Variants in KCNQ5 observed in about 807,000 individuals in gnomAD.
KCNQ5 encodes potassium voltage-gated channel subfamily KQT member 5.
A neutral mutation model predicts 98.2 loss-of-function variants in KCNQ5; 30 were observed. That is an observed-to-expected ratio of 0.31 (90% CI 0.23 to 0.41). The LOEUF (loss-of-function observed/expected upper bound fraction) is 0.41. Ranked by LOEUF, KCNQ5 falls within the 10% of genes least tolerant of loss-of-function variation. KCNQ5 has a pLI of 1.00. For synonymous variants in KCNQ5, 458 were observed against 449.4 expected (o/e 1.02, Z -0.24); for missense variants, 835 against 1,182.5 (o/e 0.71, Z 4.31).
chr6:72,640,772 C>A (rs1254437477), intron 1 of KCNQ5: 1 of 152,164 alleles, frequency 6.6e-6, no homozygotes, highest in African/African-American at 2.4e-5. Context: ...GTAGCTTCCT[C>A]AGGATCAAGT....
At chr6:72,755,927 T>C (rs1292064659) in intron 1 of KCNQ5, among the ~76,000 whole-genome samples, 1 of 152,162 alleles carries the variant, frequency 6.6e-6, no homozygotes, top group African/African-American at 2.4e-5. Flanking sequence ...CAGCAGGCAG[T>C]CACCTCCTGC....
At chr6:72,976,466 A>AT (rs1373345061) in intron 1 of KCNQ5, among the ~76,000 whole-genome samples, 1 of 152,264 alleles carries the variant, frequency 6.6e-6, no homozygotes, top group Non-Finnish European at 1.5e-5. Flanking sequence ...CAGCATTGAC[A>AT]TTAATTTCTT....
intron 10 of KCNQ5, chr6:73,135,641 T>A (rs1776439629): frequency 1.3e-5 from 2 of 152,230 alleles, no homozygotes; most frequent in Non-Finnish European, 2.9e-5. Context: ...GGAACCAGTC[T>A]TTGTTGAGTG....
At chr6:72,698,544 T>A (rs1358118462) in intron 1 of KCNQ5, among the ~76,000 whole-genome samples, 1 of 152,052 alleles carries the variant, frequency 6.6e-6, no homozygotes, top group Non-Finnish European at 1.5e-5. Context: ...ATGGGGGGAT[T>A]TTCTGGTCAT....
intron 5 of KCNQ5, among the ~76,000 whole-genome samples, chr6:73,096,765 G>A (rs1774519511): frequency 6.6e-6 from 1 of 152,176 alleles, no homozygotes; most frequent in Admixed American, 6.5e-5. Context: ...TGGTGTGGCT[G>A]GGTGCAGTGA....
intron 1 of KCNQ5, among the ~76,000 whole-genome samples, chr6:72,787,259 TATAA>T (rs1223071197): frequency 6.6e-6 from 1 of 152,192 alleles, no homozygotes; most frequent in Non-Finnish European, 1.5e-5. Flanking sequence ...TGTCATTGTC[TATAA>T]ATAAAGTTTT....
At chr6:72,632,188 AGTTCGGTG>A (rs1375258012) in intron 1 of KCNQ5, among the ~76,000 whole-genome samples, 1 of 128,438 alleles carries the variant, frequency 7.8e-6, no homozygotes, top group Non-Finnish European at 1.6e-5. Flanking sequence ...CCCAGGCTGG[AGTTCGGTG>A]GCGCGATCCC....
intron 5 of KCNQ5, among the ~76,000 whole-genome samples, chr6:73,085,040 A>G (rs1369890305): frequency 3.3e-5 from 5 of 152,100 alleles, no homozygotes; most frequent in Non-Finnish European, 5.9e-5. Context: ...TTCCAAGGAG[A>G]CTCACTGGTA....
intron 6 of KCNQ5, among the ~76,000 whole-genome samples, chr6:73,107,254 C>T (rs1669077032): frequency 6.6e-6 from 1 of 152,194 alleles, no homozygotes; most frequent in African/African-American, 2.4e-5. Flanking sequence ...AGACAACAGG[C>T]TATGTTCTGT....
chr6:72,660,906 CAA>C (rs1426583393), intron 1 of KCNQ5, among the ~76,000 whole-genome samples: 1 of 151,896 alleles, frequency 6.6e-6, no homozygotes, highest in Admixed American at 6.6e-5. Flanking sequence ...TGGCCGGAAC[CAA>C]AGTTATTATA....
chr6:73,078,038 A>G, intron 5 of KCNQ5, 151 bp downstream of exon 5: 9 of 604,010 alleles, frequency 1.5e-5, no homozygotes, highest in Non-Finnish European at 2.3e-5. Flanking sequence ...TATTGTCTAA[A>G]GGCTTTCCAC....
At chr6:72,640,350 A>C (rs1302019866) in intron 1 of KCNQ5, among the ~76,000 whole-genome samples, 1 of 104,166 alleles carries the variant, frequency 9.6e-6, no homozygotes, top group African/African-American at 3.0e-5. Flanking sequence ...AAAAAAAAGT[A>C]ATTTTTATAC....
intron 10 of KCNQ5, among the ~76,000 whole-genome samples, chr6:73,145,758 T>C (rs1286203246): frequency 2.6e-5 from 4 of 152,228 alleles, no homozygotes; most frequent in African/African-American, 9.6e-5. Flanking sequence ...TTTCGCACAC[T>C]GCTATAAAGA....
chr6:73,005,840 G>T lies in KCNQ5; in HGVS notation c.489+1842G>T, dbSNP rs147874709. Among the ~76,000 whole-genome samples the T allele has an allele frequency of 3.0e-4, 46 of 152,336 alleles. No individual in the cohort carries two copies. The East Asian group carries it at 7.7e-3, about 26-fold the overall frequency. On this transcript the variant is annotated intron_variant, in intron 2 of 13. Coordinates refer to ENST00000370398, the MANE Select transcript of KCNQ5 (RefSeq NM_019842.4). ...CTGTTGCAACAAGGCTTTCCATAGG[G>T]AGAGGGTTTGTTAATCCTACTATCT...
In KCNQ5 at chr6:72,837,788, ACATGTTATATATATGTTGAAG is replaced by A. The variant is rs1776573530; in HGVS notation, c.399-166107_399-166087del. Among the ~76,000 whole-genome samples, 2 of 137,524 alleles carry A rather than the reference ACATGTTATATATATGTTGAAG, an allele frequency of 1.5e-5. 1 individual carries two copies. The highest frequency in any genetic ancestry group is 4.3e-4 in the South Asian group (2 of 4,620). 90.2% of individuals were successfully genotyped at this position (137,524 alleles called of 152,430 possible). ...ATATATGTTTAAACATGTTATATAT[ACATGTTATATATATGTTGAAG>A]CATGTTATATATGTTTAAACATGTT... is the stretch of plus-strand genomic sequence containing the variant. On this transcript the variant is annotated intron_variant, in intron 1 of 13. Coordinates refer to ENST00000370398, the MANE Select transcript of KCNQ5 (RefSeq NM_019842.4).
chr6:72,910,389 G>T (rs1779879097), intron 1 of KCNQ5, among the ~76,000 whole-genome samples: 1 of 152,058 alleles, frequency 6.6e-6, no homozygotes, highest in Admixed American at 6.6e-5. Flanking sequence ...GGAAACATTT[G>T]CCAGTGCATA....
chr6:72,826,252 G>T (rs1402531915), intron 1 of KCNQ5, among the ~76,000 whole-genome samples: 3 of 152,136 alleles, frequency 2.0e-5, no homozygotes, highest in African/African-American at 7.2e-5. Flanking sequence ...CTTCCTGCAA[G>T]ATTAGTCATT....
At chr6:73,125,063 T>TA in intron 9 of KCNQ5, among the ~76,000 whole-genome samples, 1 of 18,418 alleles carries the variant, frequency 5.4e-5, no homozygotes, top group East Asian at 2.9e-3. Flanking sequence ...ACATATAATC[T>TA]TTTTTTTTGG....
intron 1 of KCNQ5, among the ~76,000 whole-genome samples, chr6:72,647,470 A>G (rs1013853105): frequency 9.2e-5 from 14 of 152,084 alleles, no homozygotes; most frequent in African/African-American, 3.4e-4. Flanking sequence ...CGAAAAAAAA[A>G]GAAAAAAAAA....
Sources: gnomAD v4.1 joint callset for allele counts (sites outside exome capture counted in the v4.1 genomes callset) on GRCh38, gnomAD v4.1.1 for gene constraint, MANE v1.5 for transcripts, NCBI Gene and HGNC (gene_info 2026-07-23, HGNC 2026-07-21) for gene names.